PRUNE2: variants seen among roughly 807,000 people sequenced by gnomAD.
PRUNE2 encodes protein prune homolog 2.
Under a neutral mutation model 252.0 loss-of-function variants are expected in PRUNE2, and 164 were observed. The observed-to-expected ratio is 0.65, with a 90% CI of 0.57 to 0.74. The LOEUF is 0.74. Among genes scored for constraint, PRUNE2 ranks in the 30% least tolerant of loss-of-function variants. The pLI is 0.00. For missense variants in PRUNE2, 3,495 were observed against 3,711.0 expected (o/e 0.94, Z 1.51); for synonymous variants, 1,292 against 1,350.2 (o/e 0.96, Z 0.94).
chr9:76,743,396 A>T (rs758838299), intron 6 of PRUNE2, among the ~76,000 whole-genome samples: 2 of 152,262 alleles, frequency 1.3e-5, no homozygotes, highest in Non-Finnish European at 2.9e-5. Flanking sequence ...CTATGTAGAG[A>T]TATACACGTG....
chr9:76,870,182 C>A (rs116474840), intron 1 of PRUNE2, among the ~76,000 whole-genome samples: 1 of 151,780 alleles, frequency 6.6e-6, no homozygotes, highest in Non-Finnish European at 1.5e-5. Flanking sequence ...AAAAATGCAT[C>A]GGATCACCCA....
intron 1 of PRUNE2, chr9:76,862,525 C>T (rs948256273): frequency 6.6e-6 from 1 of 152,118 alleles, no homozygotes; most frequent in Non-Finnish European, 1.5e-5. Context: ...ACAACTGAGC[C>T]TTAGGAAAAG....
At chr9:76,758,170 C>T (rs1329265584) in intron 6 of PRUNE2, among the ~76,000 whole-genome samples, 1 of 152,106 alleles carries the variant, frequency 6.6e-6, no homozygotes, top group Admixed American at 6.5e-5. Flanking sequence ...CCAAAAGCAG[C>T]GTTTTGTAAG....
intron 9 of PRUNE2, among the ~76,000 whole-genome samples, chr9:76,676,902 C>T (rs1380441519): frequency 3.9e-5 from 6 of 152,216 alleles, no homozygotes; most frequent in Non-Finnish European, 7.3e-5. Flanking sequence ...AAAACCCGAG[C>T]TCAGATTAAT....
chr9:76,704,592 T>C (rs1375646458), intron 8 of PRUNE2, among the ~76,000 whole-genome samples, 169 bp downstream of exon 8: 1 of 152,246 alleles, frequency 6.6e-6, no homozygotes, highest in Non-Finnish European at 1.5e-5. Context: ...GTATTACATA[T>C]GCACTAGATT....
In PRUNE2 at chr9:76,708,518, G is replaced by T; in HGVS notation, c.3756C>A (p.Ile1252=). 6.2e-7 allele frequency: 1 copy of T among 1,613,972 alleles called. No individual in the cohort carries two copies. Among genetic ancestry groups the T allele is most frequent in the South Asian group, 1.1e-5 (1 of 91,070 alleles). The change falls in exon 8 of 19, where the codon ATC becomes ATA. Residue 1252 remains isoleucine, a synonymous_variant. Coordinates refer to ENST00000376718, the MANE Select transcript of PRUNE2 (RefSeq NM_015225.3). ...DSEQRELPPE[I]PSHSANVKDT... is the part of the protein sequence containing the mutation. ...CTTTAACATTTGCTGAATGGCTGGG[G>T]ATTTCAGGAGGCAATTCCCTTTGCT...
At chr9:76,673,629 G>A (rs893109633) in intron 9 of PRUNE2, among the ~76,000 whole-genome samples, 2 of 150,204 alleles carry the variant, frequency 1.3e-5, no homozygotes, top group Non-Finnish European at 3.0e-5. Flanking sequence ...CAATATCTTT[G>A]ATGAACATTG....
chr9:76,812,822 G>A (rs562353755), intron 6 of PRUNE2, among the ~76,000 whole-genome samples: 161 of 152,290 alleles, frequency 1.1e-3, no homozygotes, highest in African/African-American at 3.8e-3. Context: ...GTGCTGTGCC[G>A]GAGCTGACGT....
chr9:76,853,685 T>C (rs114892658), intron 2 of PRUNE2, among the ~76,000 whole-genome samples: 1,803 of 152,338 alleles, frequency 0.012, 43 homozygotes, highest in African/African-American at 0.042. Context: ...CTCTGCCATT[T>C]ATGTACTGTT....
chr9:76,713,470 T>G (rs2046896108), intron 7 of PRUNE2, 93 bp downstream of exon 7: 24 of 1,020,066 alleles, frequency 2.4e-5, no homozygotes, highest in South Asian at 2.8e-5. Flanking sequence ...TAATTGCTCA[T>G]GAGCCACCAA....
intron 1 of PRUNE2, among the ~76,000 whole-genome samples, chr9:76,897,615 C>T (rs190402269): frequency 2.0e-5 from 3 of 151,696 alleles, no homozygotes; most frequent in East Asian, 3.9e-4. Flanking sequence ...GGGGTTTCAC[C>T]GTGTTGGCTG....
chr9:76,623,910 T>C (rs1833524800), intron 17 of PRUNE2, among the ~76,000 whole-genome samples: 2 of 152,250 alleles, frequency 1.3e-5, no homozygotes, highest in African/African-American at 4.8e-5. Context: ...TTTTGCCTTT[T>C]TGAGATTCAT....
At chr9:76,789,421 C>T (rs996157763) in intron 6 of PRUNE2, among the ~76,000 whole-genome samples, 2 of 152,190 alleles carry the variant, frequency 1.3e-5, no homozygotes, top group Admixed American at 1.3e-4. Context: ...AATCTCTCAT[C>T]CAGTGGTCTT....
chr9:76,709,802 C>A lies in PRUNE2; in HGVS notation c.2472G>T (p.Lys824Asn), dbSNP rs2046580299. ...CATTCGGGTCCCTAACAGAAGGTGT[C>A]TTGCTGCTTGTTGGGTGCAAATTCC... ...NTWNLHPTSSKTPSVRDPNEW... is the reference protein window; with the variant it reads ...NTWNLHPTSSNTPSVRDPNEW... Residue 824 changes from lysine (K) to asparagine (N), a missense_variant, in exon 8 of 19, where the codon AAG becomes AAT. Lys to Asn is a moderately conservative substitution (Grantham distance 94). Transcript: ENST00000376718. The A allele has an allele frequency of 6.2e-7, 1 of 1,613,848 alleles. No homozygotes were observed. Among genetic ancestry groups the A allele is most frequent in the South Asian group, 1.1e-5 (1 of 91,072 alleles).
At chr9:76,904,889 G>T (rs1372211774) in intron 1 of PRUNE2, among the ~76,000 whole-genome samples, 2 of 152,182 alleles carry the variant, frequency 1.3e-5, no homozygotes, top group Non-Finnish European at 2.9e-5. Context: ...TTTGTTGTGC[G>T]AGGGTAAATG....
chr9:76,837,923 C>T (rs909027376), intron 4 of PRUNE2, among the ~76,000 whole-genome samples: 10 of 151,718 alleles, frequency 6.6e-5, no homozygotes, highest in East Asian at 1.9e-4. Context: ...AGGCGCCTGC[C>T]ACCACGCCCA....
chr9:76,727,645 CTT>C (rs577095894), intron 6 of PRUNE2, among the ~76,000 whole-genome samples: 2,979 of 72,682 alleles, frequency 0.041, 34 homozygotes, highest in East Asian at 0.13. Context: ...TCTTCTTCTT[CTT>C]TTTTTTTTTT....
intron 16 of PRUNE2, chr9:76,627,926 G>T (rs778057200): frequency 6.8e-5 from 22 of 324,504 alleles, no homozygotes; most frequent in Non-Finnish European, 1.3e-4. Context: ...CATTACATGA[G>T]AATTCTTTCC....
At chr9:76,715,147 T>G (rs138767699) in intron 6 of PRUNE2, among the ~76,000 whole-genome samples, 74 of 152,336 alleles carry the variant, frequency 4.9e-4, no homozygotes, top group African/African-American at 1.6e-3. Flanking sequence ...GGACAGCCAC[T>G]GTGAAGATGT....
Sources: allele counts gnomAD v4.1 joint callset (sites outside exome capture counted in the v4.1 genomes callset), GRCh38; gene constraint gnomAD v4.1.1; transcripts MANE v1.5; gene names NCBI Gene and HGNC (gene_info 2026-07-23, HGNC 2026-07-21).